LINGO2: variants seen among roughly 807,000 people sequenced by gnomAD.
LINGO2 encodes leucine rich repeat and Ig domain containing 2, also known as leucine-rich repeat and immunoglobulin-like domain-containing nogo receptor-interacting protein 2.
In LINGO2, 14 loss-of-function variants were observed where a neutral mutation model predicts 30.6. The ratio of observed to expected loss-of-function variants is 0.46; its 90% CI spans 0.30 to 0.72. The LOEUF (loss-of-function observed/expected upper bound fraction) is 0.72. Ranked by LOEUF, LINGO2 falls within the 30% of genes least tolerant of loss-of-function variation. The pLI, the probability that LINGO2 is intolerant of heterozygous loss-of-function variation, is 0.07. For missense variants in LINGO2, 729 were observed against 751.7 expected, an observed-to-expected ratio of 0.97 and a Z score of 0.35; for synonymous variants, 317 against 288.5, an observed-to-expected ratio of 1.10 and a Z score of -1.00.
chr9:28,513,748 G>A (rs1159822663), intron 1 of LINGO2, among the ~76,000 whole-genome samples: 1 of 152,122 alleles, frequency 6.6e-6, no homozygotes, highest in Non-Finnish European at 1.5e-5. Context: ...TCAAATATGT[G>A]ATACCCAATA....
intron 4 of LINGO2, among the ~76,000 whole-genome samples, chr9:28,046,084 G>C (rs1824409061): frequency 1.3e-5 from 2 of 152,164 alleles, no homozygotes; most frequent in Non-Finnish European, 2.9e-5. Flanking sequence ...TGGGATACCT[G>C]AAGTTCAGCT....
chr9:28,418,424 A>G (rs1162624252), intron 2 of LINGO2, among the ~76,000 whole-genome samples: 2 of 151,686 alleles, frequency 1.3e-5, no homozygotes, highest in East Asian at 3.9e-4. Context: ...GATTACAGGC[A>G]CCCACGACCA....
At chr9:28,081,165 T>C (rs1280213285) in intron 4 of LINGO2, among the ~76,000 whole-genome samples, 1 of 152,088 alleles carries the variant, frequency 6.6e-6, no homozygotes, top group Non-Finnish European at 1.5e-5. Flanking sequence ...GCAGTATCCC[T>C]GGCCTCTACC....
intron 4 of LINGO2, among the ~76,000 whole-genome samples, chr9:28,150,216 G>A (rs1232890041): frequency 2.6e-4 from 40 of 151,676 alleles, no homozygotes; most frequent in Middle Eastern, 3.5e-3. Flanking sequence ...AATGAGGAGC[G>A]CCTCTGCCCG....
chr9:29,076,316 A>T, the LINGO2 span, among the ~76,000 whole-genome samples: 2 of 152,130 alleles, frequency 1.3e-5, no homozygotes, highest in African/African-American at 4.8e-5. Context: ...TGGGACAGGG[A>T]GAGCACACTT....
intron 4 of LINGO2, among the ~76,000 whole-genome samples, chr9:28,111,891 A>G (rs1826804845): frequency 6.6e-6 from 1 of 152,090 alleles, no homozygotes; most frequent in African/African-American, 2.4e-5. Flanking sequence ...ATGATAGAAT[A>G]AATGTTTATT....
chr9:29,003,291 C>T, the LINGO2 span, among the ~76,000 whole-genome samples: 2 of 151,962 alleles, frequency 1.3e-5, no homozygotes, highest in Non-Finnish European at 2.9e-5. Context: ...GGTGTGGATT[C>T]ACACAATATA....
chr9:28,940,899 A>T, the LINGO2 span, among the ~76,000 whole-genome samples: 83 of 152,202 alleles, frequency 5.5e-4, 1 homozygote, highest in African/African-American at 2.0e-3. Flanking sequence ...TTATGCAATT[A>T]ATTTTATTTA....
At chr9:28,034,200 C>T (rs1823821387) in intron 4 of LINGO2, among the ~76,000 whole-genome samples, 1 of 152,218 alleles carries the variant, frequency 6.6e-6, no homozygotes, top group Admixed American at 6.5e-5. Flanking sequence ...AGCTGCTGCT[C>T]TGCTCCCCAG....
chr9:28,102,712 A>C (rs1826453725), intron 4 of LINGO2, among the ~76,000 whole-genome samples: 1 of 152,132 alleles, frequency 6.6e-6, no homozygotes, highest in African/African-American at 2.4e-5. Context: ...GAGCCATACG[A>C]GTTTGATCCC....
intron 4 of LINGO2, among the ~76,000 whole-genome samples, chr9:28,284,086 C>T (rs1349517221): frequency 6.6e-6 from 1 of 152,094 alleles, no homozygotes. Flanking sequence ...GGCTTTCAAT[C>T]AACTCCATAG....
At chr9:29,028,725 G>A in the LINGO2 span, among the ~76,000 whole-genome samples, 1 of 152,084 alleles carries the variant, frequency 6.6e-6, no homozygotes, top group Non-Finnish European at 1.5e-5. Context: ...CTTGCTAGAT[G>A]ATGAAAGGCA....
chr9:29,049,838 T>A, the LINGO2 span, among the ~76,000 whole-genome samples: 1 of 152,074 alleles, frequency 6.6e-6, no homozygotes, highest in African/African-American at 2.4e-5. Context: ...GGATGGTTAA[T>A]GAGTACAAAA....
At chr9:28,278,056 T>C (rs1823190218) in intron 4 of LINGO2, among the ~76,000 whole-genome samples, 1 of 152,034 alleles carries the variant, frequency 6.6e-6, no homozygotes, top group Non-Finnish European at 1.5e-5. Flanking sequence ...ATGGAGAAAA[T>C]TGTAGTGGTC....
chr9:28,611,231 C>G (rs1459133452), intron 1 of LINGO2, among the ~76,000 whole-genome samples: 3 of 151,988 alleles, frequency 2.0e-5, no homozygotes, highest in African/African-American at 7.2e-5. Flanking sequence ...AAATTGTATA[C>G]AATTAACAAA....
At chr9:28,630,366 GCTAATTAGTCCTAA>G (rs1248475962) in intron 1 of LINGO2, among the ~76,000 whole-genome samples, 1 of 151,736 alleles carries the variant, frequency 6.6e-6, no homozygotes, top group African/African-American at 2.4e-5. Context: ...TATTAATACT[GCTAATTAGTCCTAA>G]CTAATTAGTC....
chr9:28,550,560 G>C (rs1332349736), intron 1 of LINGO2, among the ~76,000 whole-genome samples: 2 of 151,354 alleles, frequency 1.3e-5, no homozygotes, highest in Non-Finnish European at 3.0e-5. Flanking sequence ...TTCAGTAATT[G>C]TCAGGGTGCC....
the LINGO2 span, among the ~76,000 whole-genome samples, chr9:28,957,032 G>C: frequency 6.6e-6 from 1 of 151,890 alleles, no homozygotes; most frequent in Non-Finnish European, 1.5e-5. Context: ...GACTAAGTGG[G>C]AGCACAGGAA....
At chr9:28,456,057 A>G (rs1194613863) in intron 2 of LINGO2, among the ~76,000 whole-genome samples, 1 of 152,142 alleles carries the variant, frequency 6.6e-6, no homozygotes, top group African/African-American at 2.4e-5. Context: ...TTTGTTTCTC[A>G]AATAATAACT....
Sources: allele counts gnomAD v4.1 joint callset (sites outside exome capture counted in the v4.1 genomes callset), GRCh38; gene constraint gnomAD v4.1.1; transcripts MANE v1.5; gene names NCBI Gene and HGNC (gene_info 2026-07-23, HGNC 2026-07-21).